The following TMEM132D variants were observed in gnomAD, a reference collection of about 807,000 sequenced individuals.
TMEM132D encodes the protein mature OL transmembrane protein.
A neutral mutation model predicts 62.3 loss-of-function variants in TMEM132D; 21 were observed. That is an observed-to-expected ratio of 0.34 (90% CI 0.24 to 0.49). The LOEUF is 0.49. Among genes scored for constraint, TMEM132D ranks in the 20% least tolerant of loss-of-function variants. TMEM132D has a pLI of 0.99. For synonymous variants in TMEM132D, 621 were observed against 575.6 expected (o/e 1.08, Z -1.13); for missense variants, 1,346 against 1,402.8 (o/e 0.96, Z 0.65).
At chr12:129,115,306 T>G (rs561785544) in intron 5 of TMEM132D, among the ~76,000 whole-genome samples, 4 of 152,296 alleles carry the variant, frequency 2.6e-5, no homozygotes, top group East Asian at 3.9e-4. Flanking sequence ...AACACGATTA[T>G]CCTCCTGGAC....
At chr12:129,299,718 T>C (rs1186686595) in intron 4 of TMEM132D, among the ~76,000 whole-genome samples, 2 of 151,952 alleles carry the variant, frequency 1.3e-5, no homozygotes, top group Non-Finnish European at 2.9e-5. Flanking sequence ...TAGATTTAAT[T>C]TACTGCTGAG....
At chr12:129,688,562 A>G (rs1286548214) in intron 2 of TMEM132D, among the ~76,000 whole-genome samples, 1 of 152,010 alleles carries the variant, frequency 6.6e-6, no homozygotes, top group African/African-American at 2.4e-5. Context: ...TGAAACCCAC[A>G]CCACTGCTTC....
At chr12:129,160,775 AAG>A (rs1297798544) in intron 5 of TMEM132D, among the ~76,000 whole-genome samples, 1 of 152,212 alleles carries the variant, frequency 6.6e-6, no homozygotes, top group African/African-American at 2.4e-5. Context: ...ACAAAGAAAA[AAG>A]AAACAGGGCT....
At chr12:129,437,643 G>A (rs989051798) in intron 3 of TMEM132D, among the ~76,000 whole-genome samples, 1 of 152,096 alleles carries the variant, frequency 6.6e-6, no homozygotes, top group African/African-American at 2.4e-5. Flanking sequence ...AAAAGTGTTT[G>A]GCAGTACTAA....
At chr12:129,539,321 T>A (rs1052724525) in intron 2 of TMEM132D, among the ~76,000 whole-genome samples, 5 of 150,610 alleles carry the variant, frequency 3.3e-5, no homozygotes, top group Non-Finnish European at 7.4e-5. Context: ...AACCTCTGCA[T>A]CCCAGGCTCC....
At chr12:129,698,811 AAAGAAAAG>A (rs958716662) in intron 2 of TMEM132D, among the ~76,000 whole-genome samples, 3 of 151,508 alleles carry the variant, frequency 2.0e-5, no homozygotes, top group Non-Finnish European at 4.4e-5. Context: ...AGAATAGAAA[AAAGAAAAG>A]AAGAAAAGAA....
At chr12:129,309,753 G>A (rs1881927763) in intron 4 of TMEM132D, among the ~76,000 whole-genome samples, 1 of 152,126 alleles carries the variant, frequency 6.6e-6, no homozygotes, top group African/African-American at 2.4e-5. Flanking sequence ...GGGAAGAGAA[G>A]CATGGTGCGT....
At chr12:129,297,308 C>T (rs1281418166) in intron 4 of TMEM132D, among the ~76,000 whole-genome samples, 2 of 152,220 alleles carry the variant, frequency 1.3e-5, no homozygotes, top group East Asian at 3.9e-4. Flanking sequence ...CCCCACAGGC[C>T]TTCCCGAGTG....
At chr12:129,300,596 C>A (rs1475531084) in intron 4 of TMEM132D, among the ~76,000 whole-genome samples, 1 of 152,202 alleles carries the variant, frequency 6.6e-6, no homozygotes, top group Non-Finnish European at 1.5e-5. Context: ...CTTCTGGAGA[C>A]TTCAGGGGAG....
intron 3 of TMEM132D, among the ~76,000 whole-genome samples, chr12:129,426,548 A>G (rs749330032): frequency 1.3e-4 from 20 of 152,162 alleles, no homozygotes; most frequent in Non-Finnish European, 2.1e-4. Flanking sequence ...GAACTATCTC[A>G]GGAATCTCCA....
intron 2 of TMEM132D, among the ~76,000 whole-genome samples, chr12:129,564,817 G>C (rs540044082): frequency 3.3e-5 from 5 of 152,310 alleles, no homozygotes; most frequent in African/African-American, 1.2e-4. Flanking sequence ...ATGGTGCAAA[G>C]GCAATGATGG....
At chr12:129,596,864 G>A (rs571634243) in intron 2 of TMEM132D, among the ~76,000 whole-genome samples, 3 of 151,844 alleles carry the variant, frequency 2.0e-5, no homozygotes, top group South Asian at 4.2e-4. Flanking sequence ...GTCTGAACTC[G>A]GTAGGAAATT....
chr12:129,374,762 C>A (rs1237806300), intron 3 of TMEM132D, among the ~76,000 whole-genome samples: 2 of 152,094 alleles, frequency 1.3e-5, no homozygotes, highest in Non-Finnish European at 2.9e-5. Context: ...CCTTACTCAA[C>A]GTATATAACC....
At position 129,779,022 on chromosome 12, in the gene TMEM132D, G is replaced by C. The variant is rs926800740; in HGVS notation, c.80-78324C>G. Among the ~76,000 whole-genome samples, 1 of 152,134 alleles carries C rather than the reference G, an allele frequency of 6.6e-6. No homozygotes were observed. Among genetic ancestry groups the C allele is most frequent in the East Asian group, 1.9e-4 (1 of 5,192 alleles). On this transcript the variant is annotated intron_variant, in intron 1 of 8. Coordinates refer to ENST00000422113, the MANE Select transcript of TMEM132D (RefSeq NM_133448.3). This position sits in a 1 kb window ranked among gnomAD's most constrained non-coding sequence, Gnocchi z 4.1. ...TACTATCTAGTGCTAAGCACTCCTG[G>C]GCTAGAATTGTGCCTCCATGGCTGA...
chr12:129,542,591 A>G (rs940227600), intron 2 of TMEM132D, among the ~76,000 whole-genome samples: 6 of 152,204 alleles, frequency 3.9e-5, no homozygotes, highest in Admixed American at 1.3e-4. Flanking sequence ...GTTTAGTGGG[A>G]CATTTTCTAA....
rs2135603990 is a variant in TMEM132D at position 129,074,648 on chromosome 12, C to T, written c.2527G>A (p.Gly843Ser). The T allele has an allele frequency of 6.2e-7, 1 of 1,614,096 alleles. No homozygotes were observed. Among genetic ancestry groups the T allele is most frequent in the Non-Finnish European group, 8.5e-7 (1 of 1,180,020 alleles). The stretch of plus-strand genomic sequence containing the variant: ...TCCATGAGTCCCATAGAAGAACTGC[C>T]ATAGTACTGTCCTTCCTGACTCCCC... ...EWGSQEGQYY[G>S]SSSMGLMEGR... Residue 843 changes from glycine to serine, a missense_variant, in exon 9 of 9, where the codon GGC (glycine) becomes AGC (serine). Physicochemically the swap from Gly to Ser is moderately conservative, Grantham distance 56. Coordinates refer to ENST00000422113, the MANE Select transcript of TMEM132D (RefSeq NM_133448.3).
chr12:129,820,335 G>T (rs1404688187), intron 1 of TMEM132D, among the ~76,000 whole-genome samples: 3 of 152,130 alleles, frequency 2.0e-5, no homozygotes, highest in Non-Finnish European at 4.4e-5. Context: ...TGACAATGGG[G>T]GCCATCAGTG....
chr12:129,457,466 G>A (rs371248044), intron 3 of TMEM132D, among the ~76,000 whole-genome samples: 3 of 148,898 alleles, frequency 2.0e-5, no homozygotes, highest in Non-Finnish European at 4.5e-5. Context: ...GGAGAGGGAT[G>A]GCATTAGGAG....
At chr12:129,823,959 A>G (rs1872597447) in intron 1 of TMEM132D, among the ~76,000 whole-genome samples, 1 of 152,146 alleles carries the variant, frequency 6.6e-6, no homozygotes, top group Admixed American at 6.6e-5. Flanking sequence ...CCTTAGCATG[A>G]GCCAGGCGTT....
Sources: allele counts gnomAD v4.1 joint callset (sites outside exome capture counted in the v4.1 genomes callset), GRCh38; gene constraint gnomAD v4.1.1; non-coding constraint Gnocchi (gnomAD v3.1); transcripts MANE v1.5; gene names NCBI Gene and HGNC (gene_info 2026-07-23, HGNC 2026-07-21).